The following IMMP2L variants were observed in gnomAD, a reference collection of about 807,000 sequenced individuals.
IMMP2L encodes inner mitochondrial membrane peptidase subunit 2.
In IMMP2L, 18 loss-of-function variants were observed where a neutral mutation model predicts 19.3. The ratio of observed to expected loss-of-function variants is 0.93; its 90% CI spans 0.64 to 1.38. IMMP2L has a LOEUF of 1.38. Ranked by LOEUF, IMMP2L falls within the 40% of genes most tolerant of loss-of-function variation. IMMP2L has a pLI of 0.00. For missense variants in IMMP2L, 233 were observed against 218.2 expected, an observed-to-expected ratio of 1.07 and a Z score of -0.43; for synonymous variants, 76 against 73.0, an observed-to-expected ratio of 1.04 and a Z score of -0.21.
At chr7:111,187,751 G>C (rs1466636415) in intron 3 of IMMP2L, among the ~76,000 whole-genome samples, 1 of 152,082 alleles carries the variant, frequency 6.6e-6, no homozygotes, top group Admixed American at 6.6e-5. Flanking sequence ...TCTAGACAAA[G>C]TGCACACAGG....
Position 111,440,599 on chromosome 7 carries a change from A to C in IMMP2L, c.239+46639T>G, listed in dbSNP as rs2131781870. On this transcript the variant is annotated intron_variant, in intron 3 of 5. Coordinates refer to ENST00000405709, the MANE Select transcript of IMMP2L (RefSeq NM_032549.4). ...CTTTGTTGTTCCATTTATAGAGCAC[A>C]GTCAGAGCATATTCAGCATAATGCT... Among the ~76,000 whole-genome samples, 3 of 152,016 alleles carry C rather than the reference A, an allele frequency of 2.0e-5. No individual in the cohort carries two copies. In the South Asian group the frequency reaches 6.2e-4, roughly 31 times the overall value.
chr7:111,490,169 T>C (rs1842977450), intron 2 of IMMP2L, among the ~76,000 whole-genome samples: 1 of 151,200 alleles, frequency 6.6e-6, no homozygotes, highest in East Asian at 2.0e-4. Context: ...ATGATCATAG[T>C]TCACTGTAGC....
intron 1 of IMMP2L, among the ~76,000 whole-genome samples, chr7:111,539,029 A>G (rs111257253): frequency 0.02 from 3,013 of 150,668 alleles, 103 homozygotes; most frequent in African/African-American, 0.07. Flanking sequence ...CTAAAGCAGG[A>G]GAATTGCTTG....
At chr7:111,306,673 A>G (rs982823219) in intron 3 of IMMP2L, among the ~76,000 whole-genome samples, 4 of 148,176 alleles carry the variant, frequency 2.7e-5, no homozygotes, top group Non-Finnish European at 6.0e-5. Flanking sequence ...TAAAGCAGAA[A>G]AGGGGTTACT....
chr7:111,323,111 AAAC>A (rs1824918901), intron 3 of IMMP2L, among the ~76,000 whole-genome samples: 1 of 151,984 alleles, frequency 6.6e-6, no homozygotes, highest in African/African-American at 2.4e-5. Flanking sequence ...TGACAACAGA[AAAC>A]AAAAGCAGAA....
chr7:110,663,841 T>C (rs1584432945), intron 5 of IMMP2L, 120 bp from the exon 6 acceptor site: 1 of 605,332 alleles, frequency 1.7e-6, no homozygotes, highest in African/African-American at 1.9e-5. Context: ...TGATGATGAA[T>C]AAAAAAAATA....
intron 4 of IMMP2L, among the ~76,000 whole-genome samples, chr7:110,892,119 T>C (rs1810862048): frequency 6.6e-6 from 1 of 152,142 alleles, no homozygotes; most frequent in Non-Finnish European, 1.5e-5. Context: ...CTCTCCTAAA[T>C]AAAGCTCATG....
At chr7:111,283,771 A>G (rs1820167672) in intron 3 of IMMP2L, among the ~76,000 whole-genome samples, 1 of 151,794 alleles carries the variant, frequency 6.6e-6, no homozygotes, top group Non-Finnish European at 1.5e-5. Flanking sequence ...GGAGATCGAG[A>G]CCATCCCGGC....
At chr7:111,315,515 AT>A (rs946879205) in intron 3 of IMMP2L, among the ~76,000 whole-genome samples, 8 of 152,078 alleles carry the variant, frequency 5.3e-5, no homozygotes, top group African/African-American at 1.4e-4. Context: ...TTTCTTAAAA[AT>A]TTACGTGGAT....
chr7:111,472,797 C>T (rs12671676), intron 3 of IMMP2L, among the ~76,000 whole-genome samples: 115,964 of 151,970 alleles, frequency 0.76, 45,347 homozygotes, highest in African/African-American at 0.94. Flanking sequence ...AGAAATACTG[C>T]TCCAAAAATA....
Position 110,974,619 on chromosome 7 carries a change from C to T in IMMP2L, c.240-11054G>A, listed in dbSNP as rs539297458. 2.0e-5 allele frequency among the ~76,000 whole-genome samples: 3 copies of T among 152,182 alleles called. No individual in the cohort carries two copies. In the East Asian group the frequency reaches 5.8e-4, roughly 30 times the overall value. On this transcript the variant is annotated intron_variant, in intron 3 of 5. Coordinates refer to ENST00000405709, the MANE Select transcript of IMMP2L (RefSeq NM_032549.4). Reference sequence around the variant, plus strand: ...CTTTATCAGTTCTTTCTCACCGCTGCCATCTGTTTGCCTTGCTTTTTCCAG... The same window carrying T: ...CTTTATCAGTTCTTTCTCACCGCTGTCATCTGTTTGCCTTGCTTTTTCCAG...
chr7:111,243,672 C>A (rs42474), intron 3 of IMMP2L, among the ~76,000 whole-genome samples: 1 of 104,444 alleles, frequency 9.6e-6, no homozygotes, highest in Non-Finnish European at 1.9e-5. Context: ...CCCCCTCCCC[C>A]GACCCCACCA....
At position 110,663,731 on chromosome 7, in the gene IMMP2L, T is replaced by A. The variant is rs760616321; in HGVS notation, c.409-10A>T. ...GAAGTCCTAGGGAAACCTTAATTCATGAGAAACAGAAAGAAAGCAATAAAG... is the reference window on the plus strand; with the variant it reads ...GAAGTCCTAGGGAAACCTTAATTCAAGAGAAACAGAAAGAAAGCAATAAAG... On this transcript the variant is annotated splice_polypyrimidine_tract_variant and intron_variant, in intron 5 of 5. Transcript: ENST00000405709. 1.3e-6 allele frequency: 2 copies of A among 1,548,494 alleles called. No individual in the cohort carries two copies. The highest frequency in any genetic ancestry group is 2.4e-5 in the South Asian group (2 of 82,418).
At chr7:111,142,266 C>T (rs562068049) in intron 3 of IMMP2L, among the ~76,000 whole-genome samples, 1 of 148,986 alleles carries the variant, frequency 6.7e-6, no homozygotes, top group South Asian at 2.1e-4. Context: ...GTAGAGGTTG[C>T]AGTGAGCCAA....
intron 3 of IMMP2L, among the ~76,000 whole-genome samples, chr7:111,048,238 C>CAAAAAAAAAAAAAAA (rs575701337): frequency 4.4e-4 from 8 of 18,292 alleles, no homozygotes; most frequent in African/African-American, 9.6e-4. Flanking sequence ...GACTCTGTCT[C>CAAAAAAAAAAAAAAA]AAAAAAAAAA....
chr7:111,188,704 A>G (rs2129612519), intron 3 of IMMP2L, among the ~76,000 whole-genome samples: 1 of 152,168 alleles, frequency 6.6e-6, no homozygotes, highest in East Asian at 1.9e-4. Flanking sequence ...GTGAGTGGGT[A>G]GCTAGTACAG....
intron 3 of IMMP2L, among the ~76,000 whole-genome samples, chr7:111,121,533 C>A (rs1283357275): frequency 6.6e-6 from 1 of 152,124 alleles, no homozygotes; most frequent in African/African-American, 2.4e-5. Flanking sequence ...CAATGAGATA[C>A]CATCTCACAC....
At chr7:111,484,224 A>C (rs991008335) in intron 3 of IMMP2L, among the ~76,000 whole-genome samples, 4 of 151,958 alleles carry the variant, frequency 2.6e-5, no homozygotes, top group Non-Finnish European at 4.4e-5. Flanking sequence ...TGTCTTTTAA[A>C]CTGTGTTAGT....
chr7:111,357,656 T>C (rs1476938295), intron 3 of IMMP2L, among the ~76,000 whole-genome samples: 3 of 152,256 alleles, frequency 2.0e-5, no homozygotes, highest in East Asian at 3.9e-4. Flanking sequence ...CTCTAGTTAT[T>C]ATGTCTAAAT....
Sources: allele counts gnomAD v4.1 joint callset (sites outside exome capture counted in the v4.1 genomes callset), GRCh38; gene constraint gnomAD v4.1.1; transcripts MANE v1.5; gene names NCBI Gene and HGNC (gene_info 2026-07-23, HGNC 2026-07-21).